DGKI: variants seen among roughly 807,000 people sequenced by gnomAD.
DGKI encodes the protein DAG kinase iota.
Under a neutral mutation model 147.5 loss-of-function variants are expected in DGKI, and 55 were observed. The ratio of observed to expected loss-of-function variants is 0.37; its 90% CI spans 0.30 to 0.47. DGKI has a LOEUF of 0.47. DGKI is among the 20% of genes least tolerant of loss of function. The pLI, the probability that DGKI is intolerant of heterozygous loss-of-function variation, is 1.00. For synonymous variants in DGKI, 469 were observed against 477.1 expected (o/e 0.98, Z 0.22); for missense variants, 1,007 against 1,323.8 (o/e 0.76, Z 3.71).
At chr7:137,838,212 C>T (rs1374768512) in intron 1 of DGKI, among the ~76,000 whole-genome samples, 1 of 151,876 alleles carries the variant, frequency 6.6e-6, no homozygotes, top group African/African-American at 2.4e-5. Flanking sequence ...ACCATGTTGG[C>T]CAGGATGGTC....
chr7:137,818,693 C>T (rs935339650), intron 1 of DGKI, among the ~76,000 whole-genome samples: 1 of 152,156 alleles, frequency 6.6e-6, no homozygotes, highest in East Asian at 1.9e-4. Context: ...CCACCTGCCT[C>T]AGCCTCCCAA....
chr7:137,514,377 A>C (rs1455155235), intron 21 of DGKI, among the ~76,000 whole-genome samples: 2 of 152,104 alleles, frequency 1.3e-5, no homozygotes, highest in East Asian at 3.9e-4. Flanking sequence ...ATGCACTTTC[A>C]CATTTTTCAC....
chr7:137,463,449 A>G, intron 27 of DGKI, 40 bp downstream of exon 27: 2 of 1,607,018 alleles, frequency 1.2e-6, no homozygotes, highest in Non-Finnish European at 1.7e-6. Flanking sequence ...CCCAGCAATC[A>G]CAGTGGCACA....
intron 20 of DGKI, among the ~76,000 whole-genome samples, chr7:137,541,537 G>T (rs541847245): frequency 7.6e-4 from 115 of 152,218 alleles, no homozygotes; most frequent in South Asian, 2.9e-3. Flanking sequence ...TTATATGAGG[G>T]AGTTGAGCAT....
intron 32 of DGKI, among the ~76,000 whole-genome samples, chr7:137,395,223 A>G (rs879257363): frequency 6.6e-6 from 1 of 152,194 alleles, no homozygotes; most frequent in Non-Finnish European, 1.5e-5. Flanking sequence ...GTAAGTACTG[A>G]AGGAAAACCC....
chr7:137,655,333 G>A (rs1822180006), intron 4 of DGKI, among the ~76,000 whole-genome samples: 2 of 151,930 alleles, frequency 1.3e-5, no homozygotes, highest in Non-Finnish European at 2.9e-5. Context: ...CGAGTAGCTG[G>A]GACTACAGGT....
chr7:137,759,561 C>T (rs1321849832), intron 1 of DGKI, among the ~76,000 whole-genome samples: 2 of 152,086 alleles, frequency 1.3e-5, no homozygotes, highest in Non-Finnish European at 2.9e-5. Context: ...AGGCTCGTCT[C>T]GAACTCCTGA....
At chr7:137,455,725 ATCT>A (rs1814174709) in intron 27 of DGKI, among the ~76,000 whole-genome samples, 2 of 151,114 alleles carry the variant, frequency 1.3e-5, no homozygotes, top group Admixed American at 1.3e-4. Context: ...TCTTGTTCTG[ATCT>A]TCTTAGAGTA....
intron 20 of DGKI, among the ~76,000 whole-genome samples, chr7:137,532,062 T>G (rs575996745): frequency 1.3e-5 from 2 of 151,984 alleles, no homozygotes; most frequent in African/African-American, 4.8e-5. Flanking sequence ...TCAGAATGTG[T>G]TATAAATAAA....
chr7:137,469,606 G>A lies in DGKI; in HGVS notation c.2387C>T (p.Ser796Phe). ...CTGTGCTGAGAGAGCCCTGGGGAAG[G>A]AGGTTTCATGGTCCTGGAAAGAGAC... ...QRVHYQDHET[S>F]FPRALSAQRL... The change falls in exon 24 of 33, where the codon TCC (serine) becomes TTC (phenylalanine). Residue 796 changes from serine to phenylalanine, a missense_variant. Transcript: ENST00000614521. 1 of 1,613,936 alleles carries A rather than the reference G, an allele frequency of 6.2e-7. No homozygotes were observed. Among genetic ancestry groups the A allele is most frequent in the Non-Finnish European group, 8.5e-7 (1 of 1,179,956 alleles).
chr7:137,672,345 T>G (rs939044219), intron 3 of DGKI, among the ~76,000 whole-genome samples: 1 of 152,216 alleles, frequency 6.6e-6, no homozygotes, highest in African/African-American at 2.4e-5. Flanking sequence ...TCTTTATCTT[T>G]AGGTAGAAGT....
At chr7:137,670,963 T>A (rs1019346980) in intron 3 of DGKI, among the ~76,000 whole-genome samples, 2 of 152,054 alleles carry the variant, frequency 1.3e-5, no homozygotes, top group Non-Finnish European at 2.9e-5. Flanking sequence ...GGCCAGAAAG[T>A]CCCCAGTAAT....
chr7:137,504,598 T>C (rs573551281), intron 21 of DGKI, among the ~76,000 whole-genome samples: 120 of 152,334 alleles, frequency 7.9e-4, no homozygotes, highest in Non-Finnish European at 1.3e-3. Context: ...TAGAATAAGC[T>C]TGTTAACACT....
At chr7:137,535,010 G>A (rs1350550221) in intron 20 of DGKI, among the ~76,000 whole-genome samples, 1 of 152,112 alleles carries the variant, frequency 6.6e-6, no homozygotes, top group African/African-American at 2.4e-5. Flanking sequence ...TACAAGACAA[G>A]GAGACAGGCT....
intron 32 of DGKI, 35 bp downstream of exon 32, chr7:137,395,563 A>T (rs1811519106): frequency 5.7e-6 from 9 of 1,592,816 alleles, no homozygotes; most frequent in Non-Finnish European, 7.8e-6. Context: ...GATCTCGCCC[A>T]GCGGGAGGAT....
At chr7:137,472,554 A>C (rs1300765682) in intron 23 of DGKI, among the ~76,000 whole-genome samples, 1 of 149,294 alleles carries the variant, frequency 6.7e-6, no homozygotes, top group Non-Finnish European at 1.5e-5. Context: ...GCTAAGTAAA[A>C]TCTTGACATG....
intron 21 of DGKI, among the ~76,000 whole-genome samples, chr7:137,498,146 CA>C (rs1816039086): frequency 6.6e-6 from 1 of 151,284 alleles, no homozygotes; most frequent in African/African-American, 2.4e-5. Flanking sequence ...TAAAAGAGTA[CA>C]AAACCCTTTG....
intron 27 of DGKI, among the ~76,000 whole-genome samples, chr7:137,461,705 G>T (rs1563032631): frequency 6.6e-6 from 1 of 152,120 alleles, no homozygotes; most frequent in Non-Finnish European, 1.5e-5. Context: ...AAAGGCTGGG[G>T]ATGAATGTTT....
intron 1 of DGKI, among the ~76,000 whole-genome samples, chr7:137,808,962 C>T (rs185007719): frequency 1.5e-3 from 229 of 152,248 alleles, no homozygotes; most frequent in African/African-American, 5.2e-3. Context: ...TCAAACTCCA[C>T]ACCCCCCCAG....
Sources: gnomAD v4.1 joint callset for allele counts (sites outside exome capture counted in the v4.1 genomes callset) on GRCh38, gnomAD v4.1.1 for gene constraint, MANE v1.5 for transcripts, NCBI Gene and HGNC (gene_info 2026-07-23, HGNC 2026-07-21) for gene names.